ZNF438: variants seen among roughly 807,000 people sequenced by gnomAD.
The protein encoded by ZNF438 is zinc finger protein 438.
A neutral mutation model predicts 38.0 loss-of-function variants in ZNF438; 25 were observed. The observed-to-expected ratio is 0.66, with a 90% confidence interval of 0.48 to 0.92. The LOEUF is 0.92. Among genes scored for constraint, ZNF438 ranks in the 40% least tolerant of loss-of-function variants. The pLI is 0.00. For missense variants in ZNF438, 1,007 were observed against 999.6 expected, an observed-to-expected ratio of 1.01 and a Z score of -0.10; for synonymous variants, 372 against 364.1, an observed-to-expected ratio of 1.02 and a Z score of -0.25.
rs751298192 is a variant in ZNF438, at chr10:30,961,266, ATT to A, written c.-191-19617_-191-19616del. On this transcript the variant is annotated intron_variant, in intron 1 of 5. Transcript: ENST00000413025. ...TAAAAAAAAAAAATTAAAAAAAAAA[ATT>A]TTTTAATTTATTATACCTTTTTAAA... Among the ~76,000 whole-genome samples the A allele has an allele frequency of 1.1e-3, 154 of 141,864 alleles. 19 individuals are homozygous for A. The highest frequency in any genetic ancestry group is 4.0e-3 in the South Asian group (18 of 4,452). 93.1% of individuals were successfully genotyped at this position (141,864 alleles called of 152,430 possible). A position where few individuals can be genotyped will look rare whatever the true frequency, so the allele number is the denominator to read the frequency against.
chr10:31,007,325 T>A (rs1391246102), intron 1 of ZNF438, among the ~76,000 whole-genome samples: 1 of 144,022 alleles, frequency 6.9e-6, no homozygotes, highest in Non-Finnish European at 1.5e-5. Context: ...ACTGTTGCCC[T>A]GGCTGAAGTG....
chr10:30,949,839 G>A lies in ZNF438; in HGVS notation c.-191-8188C>T, dbSNP rs539178649. Reference sequence around the variant, plus strand: ...CACTGTCAACATTAGACAGATCAACGAGACAGAAAGTCAACAAGGATATCC... The same window carrying A: ...CACTGTCAACATTAGACAGATCAACAAGACAGAAAGTCAACAAGGATATCC... On this transcript the variant is annotated intron_variant, in intron 1 of 5. Transcript: ENST00000413025. Among the ~76,000 whole-genome samples, 41 of 151,994 alleles carry A rather than the reference G, an allele frequency of 2.7e-4. No homozygotes were observed. In the East Asian group the frequency reaches 3.9e-3, roughly 14 times the overall value.
intron 4 of ZNF438, among the ~76,000 whole-genome samples, chr10:30,872,749 CAAAAAAA>C (rs10633045): frequency 1.1e-5 from 1 of 88,842 alleles, no homozygotes; most frequent in Non-Finnish European, 2.2e-5. Flanking sequence ...GACTCTGTCT[CAAAAAAA>C]AAAAAAAAAA....
At chr10:31,014,172 A>G (rs2055981626) in intron 1 of ZNF438, among the ~76,000 whole-genome samples, 1 of 152,216 alleles carries the variant, frequency 6.6e-6, no homozygotes, top group Non-Finnish European at 1.5e-5. Flanking sequence ...GTGATCTGAA[A>G]AAAAACAAAA....
intron 4 of ZNF438, among the ~76,000 whole-genome samples, chr10:30,872,122 A>G (rs895883110): frequency 1.3e-4 from 20 of 152,186 alleles, no homozygotes; most frequent in African/African-American, 3.6e-4. Context: ...TCGGCCAGGC[A>G]CGGTGGCTCA....
intron 3 of ZNF438, among the ~76,000 whole-genome samples, chr10:30,888,556 G>A (rs930203306): frequency 1.3e-5 from 2 of 151,932 alleles, no homozygotes; most frequent in Admixed American, 6.6e-5. Flanking sequence ...TAGGCTCCAG[G>A]GTCTGTTGTT....
chr10:30,860,404 G>A (rs1288178054), intron 4 of ZNF438, among the ~76,000 whole-genome samples: 3 of 152,174 alleles, frequency 2.0e-5, no homozygotes, highest in Admixed American at 6.5e-5. Flanking sequence ...GAAAGCTCTC[G>A]TGTCATGTAA....
chr10:31,000,825 A>C (rs964662138), intron 1 of ZNF438, among the ~76,000 whole-genome samples: 3 of 152,098 alleles, frequency 2.0e-5, no homozygotes, highest in Non-Finnish European at 4.4e-5. Context: ...CACTGATCTC[A>C]ATTTTCTTTC....
intron 4 of ZNF438, among the ~76,000 whole-genome samples, chr10:30,864,827 C>T (rs1234622663): frequency 6.6e-6 from 1 of 152,270 alleles, no homozygotes; most frequent in East Asian, 1.9e-4. Flanking sequence ...TCCCTCGAAC[C>T]CCTAGAATCC....
chr10:30,855,046 A>T (rs1443128638), intron 4 of ZNF438, among the ~76,000 whole-genome samples: 1 of 152,258 alleles, frequency 6.6e-6, no homozygotes, highest in Non-Finnish European at 1.5e-5. Context: ...TATACTTCAT[A>T]GAGCCATACC....
intron 1 of ZNF438, among the ~76,000 whole-genome samples, chr10:30,947,614 CT>C (rs1474610046): frequency 2.7e-5 from 4 of 149,126 alleles, no homozygotes; most frequent in African/African-American, 7.4e-5. Flanking sequence ...GCGGGTGCCC[CT>C]CTCCCAGCCT....
intron 4 of ZNF438, among the ~76,000 whole-genome samples, chr10:30,871,882 C>T (rs766530338): frequency 2.0e-5 from 3 of 152,158 alleles, no homozygotes; most frequent in Non-Finnish European, 4.4e-5. Flanking sequence ...AGGGGGCCGC[C>T]TGTGTGTCTG....
At chr10:30,878,747 C>T (rs1343687892) in intron 3 of ZNF438, among the ~76,000 whole-genome samples, 1 of 152,172 alleles carries the variant, frequency 6.6e-6, no homozygotes, top group Non-Finnish European at 1.5e-5. Flanking sequence ...GCACTCCCAC[C>T]TGGGCACCGC....
chr10:30,895,917 C>T (rs2041267611), intron 3 of ZNF438, among the ~76,000 whole-genome samples: 1 of 152,110 alleles, frequency 6.6e-6, no homozygotes, highest in African/African-American at 2.4e-5. Flanking sequence ...TAAAATGGTG[C>T]AGCAACTATG....
chr10:31,010,892 G>GAAAAAAAAAAAAAAAAAAAAA (rs563189482), intron 1 of ZNF438, among the ~76,000 whole-genome samples: 1 of 92,594 alleles, frequency 1.1e-5, no homozygotes, highest in Non-Finnish European at 1.9e-5. Context: ...GACCCTGTTT[G>GAAAAAAAAAAAAAAAAAAAAA]AAAAAAAAAA....
chr10:30,980,405 G>A (rs1489278870), intron 1 of ZNF438, among the ~76,000 whole-genome samples: 1 of 152,092 alleles, frequency 6.6e-6, no homozygotes, highest in Non-Finnish European at 1.5e-5. Context: ...GGTGAGGAGT[G>A]GGGTAGGAGT....
At chr10:31,004,882 C>T (rs2054978750) in intron 1 of ZNF438, among the ~76,000 whole-genome samples, 1 of 152,184 alleles carries the variant, frequency 6.6e-6, no homozygotes, top group Admixed American at 6.5e-5. Flanking sequence ...ATGCTTTTAA[C>T]TGTTTCATAA....
At chr10:31,019,732 T>C (rs2056456752) in intron 1 of ZNF438, among the ~76,000 whole-genome samples, 1 of 152,234 alleles carries the variant, frequency 6.6e-6, no homozygotes, top group South Asian at 2.1e-4. Context: ...TAAATAATTG[T>C]TGTTTTTTGT....
chr10:30,909,957 C>T (rs544485953), intron 2 of ZNF438, among the ~76,000 whole-genome samples: 2 of 152,164 alleles, frequency 1.3e-5, no homozygotes, highest in African/African-American at 4.8e-5. Flanking sequence ...TCATAACCAA[C>T]GTAAAGGTCA....
Sources: gnomAD v4.1 joint callset for allele counts (sites outside exome capture counted in the v4.1 genomes callset) on GRCh38, gnomAD v4.1.1 for gene constraint, MANE v1.5 for transcripts, NCBI Gene and HGNC (gene_info 2026-07-23, HGNC 2026-07-21) for gene names.